The following FLYWCH1 variants were observed in gnomAD, a reference collection of about 807,000 sequenced individuals.
FLYWCH1 encodes the protein FLYWCH-type zinc finger 1, also known as FLYWCH-type zinc finger-containing protein 1.
In FLYWCH1, 75 loss-of-function variants were observed where a neutral mutation model predicts 66.4. The observed-to-expected ratio is 1.13, with a 90% CI of 0.94 to 1.37. The LOEUF (loss-of-function observed/expected upper bound fraction) is 1.37. Among genes scored for constraint, FLYWCH1 ranks in the 40% most tolerant of loss-of-function variants. The pLI is 0.00. For missense variants in FLYWCH1, 1,334 were observed against 1,001.8 expected, an observed-to-expected ratio of 1.33 and a Z score of -4.48; for synonymous variants, 595 against 429.9, an observed-to-expected ratio of 1.38 and a Z score of -4.75.
chr16:2,947,097 CCAT>C (rs1438981837), intron 9 of FLYWCH1, among the ~76,000 whole-genome samples: 2 of 152,114 alleles, frequency 1.3e-5, no homozygotes, highest in East Asian at 3.8e-4. Context: ...CCCAAAATGT[CCAT>C]CAATGAATGA....
At chr16:2,925,980 A>T (rs922497569) in intron 2 of FLYWCH1, among the ~76,000 whole-genome samples, 2 of 152,150 alleles carry the variant, frequency 1.3e-5, no homozygotes, top group Non-Finnish European at 2.9e-5. Flanking sequence ...CAGGGACTGC[A>T]GTCTCGATTC....
chr16:2,922,971 G>A, intron 2 of FLYWCH1: 1 of 522,136 alleles, frequency 1.9e-6, no homozygotes, highest in Non-Finnish European at 3.8e-6. Context: ...CGGAGTCGCA[G>A]TGTCTTGGGC....
chr16:2,930,100 C>T, intron 3 of FLYWCH1, 90 bp downstream of exon 3: 1 of 1,149,590 alleles, frequency 8.7e-7, no homozygotes, highest in Non-Finnish European at 1.2e-6. Context: ...AGCATAGTGT[C>T]TTGTCCTTGC....
intron 2 of FLYWCH1, among the ~76,000 whole-genome samples, chr16:2,921,514 A>T (rs951284426): frequency 6.6e-6 from 1 of 152,056 alleles, no homozygotes; most frequent in Non-Finnish European, 1.5e-5. Flanking sequence ...CTGGAAATAT[A>T]GCAAGACCCT....
rs200866840 is a variant in FLYWCH1 at position 2,929,769 on chromosome 16, C to T, written c.84C>T (p.Val28=). 3.9e-5 allele frequency: 63 copies of T among 1,613,906 alleles called. No individual in the cohort carries two copies. The Middle Eastern group carries it at 4.9e-4, about 13-fold the overall frequency. The part of the protein sequence containing the change: ...QEPSPKPGTD[V]IPAAPRKPRE... ...CATCCCCCAAGCCAGGCACGGACGT[C>T]ATCCCGGCAGCCCCCAGGAAGCCCA... The change falls in exon 3 of 10, where the codon GTC becomes GTT. Residue 28 remains valine, a synonymous_variant. Coordinates refer to ENST00000253928, the MANE Select transcript of FLYWCH1 (RefSeq NM_001308068.2).
rs1442891829 is a variant in FLYWCH1 at position 2,948,958 on chromosome 16, G to T, written c.*231G>T. ...TGGCGCTTGCAGACGCAGCTGTCGT[G>T]GGGCAGGGCGGTGGCGCCTTCCTGA... On this transcript the variant is annotated 3_prime_UTR_variant, in exon 10 of 10. Coordinates refer to ENST00000253928, the MANE Select transcript of FLYWCH1 (RefSeq NM_001308068.2). The T allele has an allele frequency of 5.5e-6, 3 of 541,288 alleles. No individual in the cohort carries two copies. The highest frequency in any genetic ancestry group is 1.0e-5 in the Non-Finnish European group (3 of 299,316). The allele number at this position is 541,288 out of a possible 1,614,324, so 33.5% of individuals were successfully genotyped here. A position where few individuals can be genotyped will look rare whatever the true frequency, so the allele number is the denominator to read the frequency against.
At chr16:2,936,746 G>T (rs1244212112) in intron 6 of FLYWCH1, 2 of 485,986 alleles carry the variant, frequency 4.1e-6, no homozygotes, top group Non-Finnish European at 8.1e-6. Context: ...CTCCTGAGCA[G>T]CTTTGTCCCC....
At chr16:2,922,774 C>G in intron 2 of FLYWCH1, 1 of 520,330 alleles carries the variant, frequency 1.9e-6, no homozygotes, top group South Asian at 1.4e-5. Flanking sequence ...GCCACAACCA[C>G]CTCACAGAGT....
chr16:2,946,412 C>T (rs1330409371), intron 9 of FLYWCH1, among the ~76,000 whole-genome samples: 1 of 144,748 alleles, frequency 6.9e-6, no homozygotes, highest in Non-Finnish European at 1.5e-5. Flanking sequence ...ACCTCCGCCT[C>T]CCAGGTTCAA....
rs1440128745 is a variant in FLYWCH1 at position 2,950,735 on chromosome 16, G to A, written c.*2008G>A. ...GATATTTGCGTCATTGACCGGGACT[G>A]GCCCACTCTTCCTCTGCCTCACGCC... On this transcript the variant is annotated 3_prime_UTR_variant, in exon 10 of 10. Coordinates refer to ENST00000253928, the MANE Select transcript of FLYWCH1 (RefSeq NM_001308068.2). 5.2e-5 allele frequency: 8 copies of A among 152,412 alleles called. No individual in the cohort carries two copies. The highest frequency in any genetic ancestry group is 3.4e-3 in the Middle Eastern group (1 of 294). The allele number at this position is 152,412 out of a possible 1,614,324, so 9.4% of individuals were successfully genotyped here.
chr16:2,936,279 G>T (rs182976411), intron 6 of FLYWCH1: 7 of 395,342 alleles, frequency 1.8e-5, no homozygotes, highest in Non-Finnish European at 3.6e-5. Context: ...ACCCCCTCCC[G>T]TGGCCTGGCG....
At chr16:2,938,115 C>G (rs1308921193) in intron 7 of FLYWCH1, 69 bp from the exon 8 acceptor site, 2 of 1,480,060 alleles carry the variant, frequency 1.4e-6, no homozygotes, top group Non-Finnish European at 1.8e-6. Flanking sequence ...CTGGGGGATA[C>G]AAATCAGACC....
intron 2 of FLYWCH1, chr16:2,922,563 G>A: frequency 6.3e-6 from 2 of 315,010 alleles, no homozygotes; most frequent in South Asian, 5.5e-5. Flanking sequence ...GAATCAGACA[G>A]TGTTTGTCCC....
At chr16:2,927,857 C>T (rs1449937645) in intron 2 of FLYWCH1, among the ~76,000 whole-genome samples, 3 of 152,238 alleles carry the variant, frequency 2.0e-5, no homozygotes, top group South Asian at 2.1e-4. Flanking sequence ...AGGAGATGGG[C>T]ACTCTATGTG....
chr16:2,917,185 A>C (rs190211670), intron 2 of FLYWCH1, among the ~76,000 whole-genome samples: 2 of 151,622 alleles, frequency 1.3e-5, no homozygotes, highest in Admixed American at 6.6e-5. Flanking sequence ...AAAAATTTTT[A>C]AAAAGCCATG....
chr16:2,918,563 C>T (rs954278089), intron 2 of FLYWCH1, among the ~76,000 whole-genome samples: 4 of 151,830 alleles, frequency 2.6e-5, no homozygotes, highest in African/African-American at 7.3e-5. Context: ...GCCTCAGCCT[C>T]CTGAATAGCT....
At chr16:2,914,908 C>CAAAA (rs555910638) in intron 2 of FLYWCH1, among the ~76,000 whole-genome samples, 1 of 72,720 alleles carries the variant, frequency 1.4e-5, no homozygotes, top group Admixed American at 1.5e-4. Context: ...GACTCTGTCT[C>CAAAA]AAAAAAAAAA....
At position 2,950,007 on chromosome 16, in the gene FLYWCH1, G is replaced by A. The variant is rs1450895960; in HGVS notation, c.*1280G>A. The A allele has an allele frequency of 1.3e-5, 2 of 152,282 alleles. No individual in the cohort carries two copies. Among genetic ancestry groups the A allele is most frequent in the Non-Finnish European group, 2.9e-5 (2 of 68,146 alleles). 9.4% of individuals were successfully genotyped at this position (152,282 alleles called of 1,614,324 possible). A position where few individuals can be genotyped will look rare whatever the true frequency, so the allele number is the denominator to read the frequency against. On this transcript the variant is annotated 3_prime_UTR_variant, in exon 10 of 10. Transcript: ENST00000253928. The stretch of plus-strand genomic sequence containing the variant: ...CACCTGGGGTTGGGGCCTCTGGAAG[G>A]GCTGCTGGGGGGCCAGCTGCAGCCT...
At chr16:2,935,482 T>A (rs1232634686) in intron 6 of FLYWCH1, 1 of 152,344 alleles carries the variant, frequency 6.6e-6, no homozygotes, top group Non-Finnish European at 1.5e-5. Context: ...GCTGACTCCC[T>A]GCTTCTGGGC....
Sources: allele counts gnomAD v4.1 joint callset (sites outside exome capture counted in the v4.1 genomes callset), GRCh38; gene constraint gnomAD v4.1.1; transcripts MANE v1.5; gene names NCBI Gene and HGNC (gene_info 2026-07-23, HGNC 2026-07-21).